COG4: variants seen among roughly 807,000 people sequenced by gnomAD.
The protein encoded by COG4 is component of oligomeric golgi complex 4, also known as conserved oligomeric Golgi complex subunit 4.
A neutral mutation model predicts 95.1 loss-of-function variants in COG4; 65 were observed. The observed-to-expected ratio is 0.68, with a 90% CI of 0.56 to 0.84. The LOEUF (loss-of-function observed/expected upper bound fraction) is 0.84, where lower values mean the gene tolerates loss of function less well. Ranked by LOEUF, COG4 falls within the 40% of genes least tolerant of loss-of-function variation. The pLI is 0.00. For missense variants in COG4, 1,045 were observed against 989.1 expected (o/e 1.06, Z -0.76); for synonymous variants, 421 against 374.8 (o/e 1.12, Z -1.42).
chr16:70,517,670 C>T lies in COG4; in HGVS notation c.325G>A (p.Ala109Thr). ...AGMITFTCNL[A>T]ENVSSKVRQL... ...CGAACTTTGCTGGACACATTCTCAG[C>T]CAGGTTGCAGGTAAAGGTGATCATT... Residue 109 changes from alanine to threonine, a missense_variant, in exon 3 of 19, where the codon GCT becomes ACT. Physicochemically the swap from Ala to Thr is moderately conservative, Grantham distance 58. Transcript: ENST00000323786. The T allele has an allele frequency of 6.2e-7, 1 of 1,613,194 alleles. No homozygotes were observed. The highest frequency in any genetic ancestry group is 8.5e-7 in the Non-Finnish European group (1 of 1,179,878).
At chr16:70,486,381 C>T (rs914693707) in intron 13 of COG4, among the ~76,000 whole-genome samples, 1 of 152,154 alleles carries the variant, frequency 6.6e-6, no homozygotes. Flanking sequence ...ACTCTCCTAG[C>T]AGACAAAGGC....
At chr16:70,488,348 T>G (rs2049179039) in intron 13 of COG4, among the ~76,000 whole-genome samples, 1 of 151,710 alleles carries the variant, frequency 6.6e-6, no homozygotes, top group African/African-American at 2.4e-5. Flanking sequence ...TGGCCAGGCT[T>G]GAATGCCTGA....
At position 70,523,398 on chromosome 16, in the gene COG4, A is replaced by G; in HGVS notation, c.146T>C (p.Val49Ala). Residue 49 changes from valine to alanine, a missense_variant, in exon 1 of 19, where the codon GTA becomes GCA. By Grantham distance (64) the Val-to-Ala change is moderately conservative. Transcript: ENST00000323786. ...CTCCTCGCCGCAGAGCCGTTCGTAT[A>G]CAGCCTCCAGCTCCTGCAGCTCTGT... ...SLTELQELEA[V>A]YERLCGEEKV... is the part of the protein sequence containing the mutation. 1 of 1,614,162 alleles carries G rather than the reference A, an allele frequency of 6.2e-7. No individual in the cohort carries two copies. Among genetic ancestry groups the G allele is most frequent in the South Asian group, 1.1e-5 (1 of 91,082 alleles).
intron 12 of COG4, among the ~76,000 whole-genome samples, chr16:70,495,802 A>G (rs1173243141): frequency 6.6e-6 from 1 of 152,240 alleles, no homozygotes; most frequent in Non-Finnish European, 1.5e-5. Context: ...AAAGGGCTTT[A>G]ATAAAGCCTC....
rs199758667 is a variant in COG4 at position 70,496,493 on chromosome 16, G to A, written c.1482-62C>T. Reference sequence around the variant, plus strand: ...TCAACTTGGCCACCAGGACAGAAGGGCCAGTCTTCACCACTCTGACCCAGC... The same window carrying A: ...TCAACTTGGCCACCAGGACAGAAGGACCAGTCTTCACCACTCTGACCCAGC... On this transcript the variant is annotated intron_variant, in intron 11 of 18. Transcript: ENST00000323786. 36 of 1,551,616 alleles carry A rather than the reference G, an allele frequency of 2.3e-5. No homozygotes were observed. In the East Asian group the frequency reaches 8.1e-4, roughly 35 times the overall value.
chr16:70,512,231 G>T lies in COG4; in HGVS notation c.738+8C>A. ...ACAATTATCCTGCCAAGCAATCAGG[G>T]TCCATACCTGCTTGCAAAGGTACTC... On this transcript the variant is annotated splice_region_variant and intron_variant, in intron 5 of 18. Coordinates refer to ENST00000323786, the MANE Select transcript of COG4 (RefSeq NM_015386.3). 1 of 1,612,862 alleles carries T rather than the reference G, an allele frequency of 6.2e-7. No homozygotes were observed. Among genetic ancestry groups the T allele is most frequent in the Middle Eastern group, 1.7e-4 (1 of 5,996 alleles).
In COG4 at chr16:70,523,457, G is replaced by A; in HGVS notation, c.87C>T (p.Cys29=). Residue 29 remains cysteine, a synonymous_variant, in exon 1 of 19, where the codon TGC becomes TGT. Transcript: ENST00000323786. Reference sequence around the variant, plus strand: ...GAATGAGCTCAGCGGAGATTTCGGAGCAGCGGCCACCTCCCACCCCCTCAG... The same window carrying A: ...GAATGAGCTCAGCGGAGATTTCGGAACAGCGGCCACCTCCCACCCCCTCAG... ...QPSEGVGGGR[C]SEISAELIRS... is the part of the protein sequence containing the mutation. 2.5e-6 allele frequency: 4 copies of A among 1,614,110 alleles called. No homozygotes were observed. The highest frequency in any genetic ancestry group is 1.1e-5 in the South Asian group (1 of 91,084).
At chr16:70,492,504 A>G (rs2049264486) in intron 12 of COG4, among the ~76,000 whole-genome samples, 1 of 151,368 alleles carries the variant, frequency 6.6e-6, no homozygotes, top group Non-Finnish European at 1.5e-5. Context: ...ACTAAAAAAA[A>G]TACAAAATTA....
intron 12 of COG4, among the ~76,000 whole-genome samples, chr16:70,492,424 C>T (rs142369859): frequency 0.013 from 2,048 of 151,842 alleles, 53 homozygotes; most frequent in African/African-American, 0.046. Flanking sequence ...TTTGGGAGGC[C>T]GATGCGGGCA....
chr16:70,518,073 G>A (rs1423197874), intron 2 of COG4, among the ~76,000 whole-genome samples: 5 of 152,054 alleles, frequency 3.3e-5, no homozygotes, highest in Non-Finnish European at 7.3e-5. Context: ...TGGGACTACA[G>A]GCGCGTGCCA....
chr16:70,523,351 A>AAGAAG (rs756922166), intron 1 of COG4, 22 bp downstream of exon 1: 5 of 1,613,780 alleles, frequency 3.1e-6, no homozygotes, highest in Non-Finnish European at 4.2e-6. Flanking sequence ...CTCCATGAAA[A>AAGAAG]AGAAGAGGCT....
At position 70,508,224 on chromosome 16, in the gene COG4, T is replaced by G. The variant is rs141220717; in HGVS notation, c.1061+182A>C. Among the ~76,000 whole-genome samples, 830 of 152,306 alleles carry G rather than the reference T, an allele frequency of 5.4e-3. 4 individuals are homozygous for G. The highest frequency in any genetic ancestry group is 0.018 in the African/African-American group (740 of 41,564). On this transcript the variant is annotated intron_variant, in intron 8 of 18. Coordinates refer to ENST00000323786, the MANE Select transcript of COG4 (RefSeq NM_015386.3). ...GTGAGCCACCGCGCCCGGCTGATTA[T>G]GACTGATTACACAATTTATTTATAT...
intron 8 of COG4, among the ~76,000 whole-genome samples, chr16:70,502,525 C>T (rs13339216): frequency 0.14 from 18,014 of 128,490 alleles, 3,562 homozygotes; most frequent in African/African-American, 0.45. Flanking sequence ...CGCTTGAACC[C>T]GAGAGGCGGA....
chr16:70,486,161 C>T (rs2049131054), intron 13 of COG4, among the ~76,000 whole-genome samples: 2 of 152,320 alleles, frequency 1.3e-5, no homozygotes, highest in Middle Eastern at 3.4e-3. Context: ...TCCCAAAGTG[C>T]TAGGATTACA....
chr16:70,513,848 G>A (rs540603914), intron 4 of COG4, among the ~76,000 whole-genome samples: 28 of 152,286 alleles, frequency 1.8e-4, no homozygotes, highest in African/African-American at 6.7e-4. Flanking sequence ...CACACATAGG[G>A]GAGACTGCTT....
At chr16:70,485,361 A>C (rs2049106283) in intron 13 of COG4, among the ~76,000 whole-genome samples, 1 of 150,776 alleles carries the variant, frequency 6.6e-6, no homozygotes, top group Non-Finnish European at 1.5e-5. Flanking sequence ...CTGCCACCAC[A>C]CCCAACTAAT....
At chr16:70,487,838 T>G (rs1168842514) in intron 13 of COG4, among the ~76,000 whole-genome samples, 1 of 152,212 alleles carries the variant, frequency 6.6e-6, no homozygotes, top group African/African-American at 2.4e-5. Flanking sequence ...TTTTTATGTT[T>G]TTTTGAGACG....
intron 8 of COG4, among the ~76,000 whole-genome samples, chr16:70,506,618 CAA>C (rs1212409898): frequency 1.7e-5 from 1 of 59,910 alleles, no homozygotes; most frequent in Non-Finnish European, 2.9e-5. Context: ...AAAAAAAAAA[CAA>C]AAAAAAAAAC....
chr16:70,521,695 CTAAA>C (rs1156998457), intron 1 of COG4, among the ~76,000 whole-genome samples: 3 of 148,412 alleles, frequency 2.0e-5, no homozygotes, highest in Non-Finnish European at 4.4e-5. Context: ...AGTCAAGATA[CTAAA>C]TTTTTTTTTT....
Sources: allele counts gnomAD v4.1 joint callset (sites outside exome capture counted in the v4.1 genomes callset), GRCh38; gene constraint gnomAD v4.1.1; transcripts MANE v1.5; gene names NCBI Gene and HGNC (gene_info 2026-07-23, HGNC 2026-07-21).